The following PARD3 variants were observed in gnomAD, a reference collection of about 807,000 sequenced individuals.
PARD3 encodes the protein partitioning defective 3 homolog.
A neutral mutation model predicts 155.4 loss-of-function variants in PARD3; 75 were observed. The ratio of observed to expected loss-of-function variants is 0.48; its 90% CI spans 0.40 to 0.58. The LOEUF (loss-of-function observed/expected upper bound fraction) is 0.58. PARD3 is among the 20% of genes least tolerant of loss of function. The pLI, the probability that PARD3 is intolerant of heterozygous loss-of-function variation, is 0.00. For synonymous variants in PARD3, 576 were observed against 610.5 expected, an observed-to-expected ratio of 0.94 and a Z score of 0.83; for missense variants, 1,642 against 1,721.7, an observed-to-expected ratio of 0.95 and a Z score of 0.82.
At chr10:34,767,057 C>A (rs1838194398) in intron 1 of PARD3, among the ~76,000 whole-genome samples, 1 of 152,068 alleles carries the variant, frequency 6.6e-6, no homozygotes, top group Non-Finnish European at 1.5e-5. Context: ...ATAAAGATGG[C>A]CTGAGACAGT....
At chr10:34,505,904 A>C (rs1292512999) in intron 3 of PARD3, among the ~76,000 whole-genome samples, 4 of 152,150 alleles carry the variant, frequency 2.6e-5, no homozygotes, top group Non-Finnish European at 5.9e-5. Context: ...AAGCTGAGGC[A>C]GGCTTGAGGT....
At position 34,512,604 on chromosome 10, in the gene PARD3, G is replaced by A. The variant is rs140888652; in HGVS notation, c.403+4375C>T. Among the ~76,000 whole-genome samples, 1,411 of 152,312 alleles carry A rather than the reference G, an allele frequency of 9.3e-3. 27 individuals are homozygous for A. The highest frequency in any genetic ancestry group is 0.033 in the African/African-American group (1,351 of 41,568). On this transcript the variant is annotated intron_variant, in intron 3 of 24. Coordinates refer to ENST00000374788, the MANE Select transcript of PARD3 (RefSeq NM_001184785.2). ...CTATTTCCAGAGCATAGTCTGGATT[G>A]AGAAATGCTGAGTTACTGGGTTGGT...
intron 22 of PARD3, among the ~76,000 whole-genome samples, chr10:34,188,196 A>G (rs1292295089): frequency 1.3e-5 from 2 of 152,234 alleles, no homozygotes; most frequent in Non-Finnish European, 2.9e-5. Context: ...TCACAATGGA[A>G]TCGCCTGAGT....
At chr10:34,257,737 A>G (rs1008455861) in intron 22 of PARD3, among the ~76,000 whole-genome samples, 7 of 152,230 alleles carry the variant, frequency 4.6e-5, no homozygotes, top group African/African-American at 1.7e-4. Flanking sequence ...AACAACCCCC[A>G]TTACACATTA....
intron 1 of PARD3, among the ~76,000 whole-genome samples, chr10:34,715,402 G>C (rs2094505298): frequency 6.6e-6 from 1 of 152,106 alleles, no homozygotes; most frequent in Admixed American, 6.6e-5. Flanking sequence ...AGCATGGACT[G>C]AGCCATACAC....
At chr10:34,258,962 G>A (rs555146742) in intron 22 of PARD3, among the ~76,000 whole-genome samples, 17 of 152,140 alleles carry the variant, frequency 1.1e-4, no homozygotes, top group East Asian at 7.7e-4. Flanking sequence ...CCAGCTACTC[G>A]AGAGGCTGAG....
chr10:34,235,282 A>G (rs1036678915), intron 22 of PARD3, among the ~76,000 whole-genome samples: 1 of 152,200 alleles, frequency 6.6e-6, no homozygotes, highest in Non-Finnish European at 1.5e-5. Flanking sequence ...TGGAACTATA[A>G]AAGCTAATGT....
At chr10:34,141,763 C>G (rs977266241) in intron 22 of PARD3, among the ~76,000 whole-genome samples, 12 of 152,164 alleles carry the variant, frequency 7.9e-5, no homozygotes, top group African/African-American at 2.9e-4. Context: ...CAACAGAGAA[C>G]ATGCAAGCGC....
intron 22 of PARD3, among the ~76,000 whole-genome samples, chr10:34,151,128 C>T (rs1050776530): frequency 2.6e-5 from 4 of 151,760 alleles, no homozygotes; most frequent in Admixed American, 6.6e-5. Flanking sequence ...CTTCAATATA[C>T]ACCAATACTT....
chr10:34,785,094 G>C (rs1659958596), intron 1 of PARD3, among the ~76,000 whole-genome samples: 1 of 152,138 alleles, frequency 6.6e-6, no homozygotes, highest in Non-Finnish European at 1.5e-5. Context: ...TTCTATATGT[G>C]GACTACTAGA....
At chr10:34,115,712 CTT>C (rs1029767685) in intron 24 of PARD3, among the ~76,000 whole-genome samples, 6 of 141,522 alleles carry the variant, frequency 4.2e-5, no homozygotes, top group Admixed American at 7.1e-5. Flanking sequence ...TAATTTTTTT[CTT>C]TTTTTTTTTT....
At chr10:34,796,760 GGATCACCT>G (rs1842298858) in intron 1 of PARD3, among the ~76,000 whole-genome samples, 1 of 152,210 alleles carries the variant, frequency 6.6e-6, no homozygotes, top group Non-Finnish European at 1.5e-5. Context: ...CGAGGCGAGT[GGATCACCT>G]GAGGTTAGGA....
chr10:34,172,773 C>T (rs545521366), intron 22 of PARD3, among the ~76,000 whole-genome samples: 11 of 98,824 alleles, frequency 1.1e-4, no homozygotes, highest in Admixed American at 1.0e-3. Context: ...AAAAAAAAAC[C>T]CACCCAAGCA....
chr10:34,359,125 A>G (rs1219406062), intron 14 of PARD3, 22 bp downstream of exon 14: 3 of 1,594,068 alleles, frequency 1.9e-6, no homozygotes, highest in South Asian at 2.2e-5. Context: ...TTTAGATACT[A>G]GCACTTTTTT....
Position 34,382,886 on chromosome 10 carries a change from G to A in PARD3, c.1053C>T (p.Pro351=). ...QHMFRQAMRT[P]IIWFHVVPAA... is the part of the protein sequence containing the mutation. ...CAGGAACCACATGGAACCAAATGAT[G>A]GGTGTACGCATGGCTTGGCGAAACA... The change falls in exon 9 of 25, where the codon CCC becomes CCT. Residue 351 remains proline (P), a synonymous_variant. Transcript: ENST00000374788. The A allele has an allele frequency of 1.9e-6, 3 of 1,614,106 alleles. No homozygotes were observed. Among genetic ancestry groups the A allele is most frequent in the Non-Finnish European group, 2.5e-6 (3 of 1,179,986 alleles).
rs763339123 is a variant in PARD3 at position 34,382,812 on chromosome 10, T to C, written c.1127A>G (p.Asn376Ser). 13 of 1,614,082 alleles carry C rather than the reference T, an allele frequency of 8.1e-6. No homozygotes were observed. The highest frequency in any genetic ancestry group is 1.1e-5 in the Non-Finnish European group (13 of 1,180,042). ...AGGGCTAAAACGGCTTGAATAGTAATTGTTCTTCTCACTTTGGGATAGTTG... is the reference window on the plus strand; with the variant it reads ...AGGGCTAAAACGGCTTGAATAGTAACTGTTCTTCTCACTTTGGGATAGTTG... Reference protein sequence around the residue: ...YEQLSQSEKNNYYSSRFSPDS... With the variant: ...YEQLSQSEKNSYYSSRFSPDS... The change falls in exon 9 of 25, where the codon AAT becomes AGT. Residue 376 changes from asparagine to serine, a missense_variant. Transcript: ENST00000374788.
At chr10:34,365,525 A>G (rs1338098719) in intron 12 of PARD3, among the ~76,000 whole-genome samples, 3 of 152,222 alleles carry the variant, frequency 2.0e-5, no homozygotes, top group Admixed American at 6.5e-5. Context: ...TTTATTAACA[A>G]TAATAGGATA....
chr10:34,481,603 C>CAG (rs2079086308), intron 3 of PARD3, among the ~76,000 whole-genome samples: 1 of 152,180 alleles, frequency 6.6e-6, no homozygotes, highest in Non-Finnish European at 1.5e-5. Flanking sequence ...TGGAAAGCAG[C>CAG]AGTTCACAAC....
In PARD3 at chr10:34,516,984, C is replaced by T; in HGVS notation, c.398G>A (p.Arg133Gln). 2 of 1,613,304 alleles carry T rather than the reference C, an allele frequency of 1.2e-6. No homozygotes were observed. Among genetic ancestry groups the T allele is most frequent in the African/African-American group, 1.3e-5 (1 of 75,026 alleles). ...SEIEVTPSVL[R>Q]ANMPLHVRRS... ...AAGAAAGAGCTTTCACTTACTTGCT[C>T]GAAGGACTGAAGGTGTGACCTCAAT... Residue 133 changes from arginine to glutamine, a missense_variant, in exon 3 of 25, where the codon CGA (arginine) becomes CAA (glutamine). Transcript: ENST00000374788.
Sources: gnomAD v4.1 joint callset for allele counts (sites outside exome capture counted in the v4.1 genomes callset) on GRCh38, gnomAD v4.1.1 for gene constraint, MANE v1.5 for transcripts, NCBI Gene and HGNC (gene_info 2026-07-23, HGNC 2026-07-21) for gene names.